Variants in RARB observed in about 807,000 individuals in gnomAD.
RARB encodes retinoic acid receptor beta, also known as HBV-activated protein.
Under a neutral mutation model 51.9 loss-of-function variants are expected in RARB, and 17 were observed. That is an observed-to-expected ratio of 0.33 (90% confidence interval 0.22 to 0.49). The LOEUF (loss-of-function observed/expected upper bound fraction) is 0.49, where lower values mean the gene tolerates loss of function less well. Ranked by LOEUF, RARB falls within the 20% of genes least tolerant of loss-of-function variation. RARB has a pLI of 0.99. For synonymous variants in RARB, 215 were observed against 195.4 expected, an observed-to-expected ratio of 1.10 and a Z score of -0.84; for missense variants, 369 against 550.8, an observed-to-expected ratio of 0.67 and a Z score of 3.30.
At chr3:25,286,650 A>AT (rs1417853625) in intron 5 of RARB, among the ~76,000 whole-genome samples, 2 of 151,908 alleles carry the variant, frequency 1.3e-5, no homozygotes. Flanking sequence ...CTCCAAAATT[A>AT]TTTTTCTTTA....
chr3:25,048,907 T>C (rs1228139777), intron 2 of RARB, among the ~76,000 whole-genome samples: 2 of 151,954 alleles, frequency 1.3e-5, no homozygotes, highest in African/African-American at 4.8e-5. Context: ...CGCCCGCCAC[T>C]GTGCCCGGCT....
At chr3:25,319,100 C>A (rs1258956594) in intron 5 of RARB, among the ~76,000 whole-genome samples, 1 of 152,030 alleles carries the variant, frequency 6.6e-6, no homozygotes, top group African/African-American at 2.4e-5. Context: ...TGTTCTCAGA[C>A]CTGAGGAGAT....
At chr3:25,511,721 G>A (rs982662408) in intron 3 of RARB, among the ~76,000 whole-genome samples, 2 of 152,274 alleles carry the variant, frequency 1.3e-5, no homozygotes, top group African/African-American at 2.4e-5. Flanking sequence ...TAGTGCCTCA[G>A]TTGCTGGTCA....
chr3:25,161,212 A>G (rs369854870), intron 4 of RARB, among the ~76,000 whole-genome samples: 1 of 83,214 alleles, frequency 1.2e-5, no homozygotes, highest in African/African-American at 4.9e-5. Context: ...TATTATTATT[A>G]TTATTTTGTA....
intron 5 of RARB, among the ~76,000 whole-genome samples, chr3:25,406,532 C>T (rs1051912723): frequency 3.9e-5 from 6 of 152,200 alleles, no homozygotes; most frequent in Admixed American, 2.6e-4. Context: ...TGCTTGCACA[C>T]CCCCAGTGTC....
chr3:25,142,628 C>A (rs1029696274), intron 4 of RARB, among the ~76,000 whole-genome samples: 4 of 149,562 alleles, frequency 2.7e-5, no homozygotes, highest in African/African-American at 4.9e-5. Flanking sequence ...TGTGTCATAT[C>A]TGAGAGCATG....
chr3:25,013,622 A>G (rs1002247191), intron 2 of RARB, among the ~76,000 whole-genome samples: 3 of 152,040 alleles, frequency 2.0e-5, no homozygotes, highest in Non-Finnish European at 4.4e-5. Context: ...ATTATAGGAA[A>G]ACAAACACCC....
intron 2 of RARB, among the ~76,000 whole-genome samples, chr3:24,871,868 A>T (rs1449500937): frequency 1.3e-5 from 2 of 152,106 alleles, no homozygotes; most frequent in African/African-American, 4.8e-5. Context: ...CTCGCTAGTA[A>T]TCATTCAGGA....
At chr3:24,985,228 T>C (rs933357256) in intron 2 of RARB, among the ~76,000 whole-genome samples, 1 of 152,158 alleles carries the variant, frequency 6.6e-6, no homozygotes, top group Non-Finnish European at 1.5e-5. Flanking sequence ...GAATTTATCT[T>C]CCTCACCATG....
At chr3:24,833,783 C>G (rs1702310145) in intron 1 of RARB, among the ~76,000 whole-genome samples, 1 of 152,224 alleles carries the variant, frequency 6.6e-6, no homozygotes, top group South Asian at 2.1e-4. Context: ...CTGATACCCA[C>G]AGGTAGACCT....
At chr3:25,177,705 C>T (rs13061437) in intron 5 of RARB, among the ~76,000 whole-genome samples, 14,124 of 152,190 alleles carry the variant, frequency 0.093, 850 homozygotes, top group South Asian at 0.23. Context: ...TCAGCTTTAT[C>T]TCCTAGACCT....
At chr3:25,405,620 T>C (rs1035437971) in intron 5 of RARB, among the ~76,000 whole-genome samples, 1 of 152,218 alleles carries the variant, frequency 6.6e-6, no homozygotes, top group Non-Finnish European at 1.5e-5. Flanking sequence ...TAAAATATGT[T>C]CACCACTAAC....
chr3:25,202,223 G>A (rs1333719680), intron 5 of RARB, among the ~76,000 whole-genome samples: 1 of 152,154 alleles, frequency 6.6e-6, no homozygotes, highest in Non-Finnish European at 1.5e-5. Context: ...TATTTGCGTA[G>A]AGGTGTTTAT....
At chr3:25,122,870 T>G (rs1242971849) in intron 3 of RARB, among the ~76,000 whole-genome samples, 1 of 152,126 alleles carries the variant, frequency 6.6e-6, no homozygotes, top group African/African-American at 2.4e-5. Flanking sequence ...GTTATAACAT[T>G]CAAGATCTCT....
At chr3:25,084,082 C>G (rs1400935781) in intron 3 of RARB, among the ~76,000 whole-genome samples, 1 of 152,166 alleles carries the variant, frequency 6.6e-6, no homozygotes, top group Non-Finnish European at 1.5e-5. Flanking sequence ...TGGCTAATGA[C>G]TCAGTAAGAC....
At chr3:25,229,028 C>A (rs1406133319) in intron 5 of RARB, among the ~76,000 whole-genome samples, 3 of 152,128 alleles carry the variant, frequency 2.0e-5, no homozygotes. Flanking sequence ...TCCACTAACT[C>A]AGTCTTCACT....
At chr3:25,216,727 G>T (rs1053366769) in intron 5 of RARB, among the ~76,000 whole-genome samples, 5 of 149,894 alleles carry the variant, frequency 3.3e-5, no homozygotes, top group African/African-American at 9.8e-5. Context: ...ACAAAATATA[G>T]GTACTACATA....
chr3:24,913,879 C>A (rs149394840), intron 2 of RARB, among the ~76,000 whole-genome samples: 1 of 152,134 alleles, frequency 6.6e-6, no homozygotes, highest in South Asian at 2.1e-4. Flanking sequence ...TAGTGACATT[C>A]GGGGTTTACT....
At chr3:25,353,744 A>T (rs1188638037) in intron 5 of RARB, among the ~76,000 whole-genome samples, 1 of 152,098 alleles carries the variant, frequency 6.6e-6, no homozygotes, top group Non-Finnish European at 1.5e-5. Flanking sequence ...TTGGCCAGAT[A>T]ATTATGGTGA....
Sources: allele counts gnomAD v4.1 joint callset (sites outside exome capture counted in the v4.1 genomes callset), GRCh38; gene constraint gnomAD v4.1.1; transcripts MANE v1.5; gene names NCBI Gene and HGNC (gene_info 2026-07-23, HGNC 2026-07-21).